Variants in IGSF5 observed in about 807,000 individuals in gnomAD.
The protein encoded by IGSF5 is immunoglobulin superfamily member 5.
Under a neutral mutation model 39.4 loss-of-function variants are expected in IGSF5, and 41 were observed. That is an observed-to-expected ratio of 1.04 (90% CI 0.81 to 1.35). IGSF5 has a LOEUF of 1.35. Ranked by LOEUF, IGSF5 falls within the 40% of genes most tolerant of loss-of-function variation. The pLI, the probability that IGSF5 is intolerant of heterozygous loss-of-function variation, is 0.00. For missense variants in IGSF5, 487 were observed against 494.6 expected (o/e 0.98, Z 0.15); for synonymous variants, 183 against 175.3 (o/e 1.04, Z -0.34).
chr21:39,792,548 C>G (rs1413271451), intron 7 of IGSF5, among the ~76,000 whole-genome samples: 2 of 152,048 alleles, frequency 1.3e-5, no homozygotes, highest in African/African-American at 4.8e-5. Flanking sequence ...TGTTTTTTCC[C>G]CATGCTTTCT....
At chr21:39,785,265 T>C (rs113650334) in intron 5 of IGSF5, among the ~76,000 whole-genome samples, 1 of 149,420 alleles carries the variant, frequency 6.7e-6, no homozygotes, top group East Asian at 2.0e-4. Flanking sequence ...GCAAGGACTT[T>C]ATGTCTAAAA....
the IGSF5 span, among the ~76,000 whole-genome samples, chr21:39,738,568 T>C: frequency 6.6e-6 from 1 of 152,176 alleles, no homozygotes; most frequent in African/African-American, 2.4e-5. This position sits in a 1 kb window ranked among gnomAD's most constrained non-coding sequence, Gnocchi z 6.4. Context: ...CGTGGAGGCC[T>C]TCAAAGAAAG....
At chr21:39,741,190 G>A (rs1283535642), upstream of IGSF5, among the ~76,000 whole-genome samples, 2 of 152,108 alleles carry the variant, frequency 1.3e-5, no homozygotes, top group East Asian at 1.9e-4. Flanking sequence ...GCCTTCTTTA[G>A]GGCATGGAAA....
At chr21:39,759,604 C>T (rs544468226) in intron 2 of IGSF5, among the ~76,000 whole-genome samples, 5 of 152,088 alleles carry the variant, frequency 3.3e-5, no homozygotes, top group South Asian at 2.1e-4. Context: ...TGGTGGCTCA[C>T]GCCTGTAATC....
the IGSF5 span, among the ~76,000 whole-genome samples, chr21:39,719,705 G>T: frequency 6.6e-6 from 1 of 152,180 alleles, no homozygotes; most frequent in Non-Finnish European, 1.5e-5. Flanking sequence ...CTCTCACTAA[G>T]GGTCACTGGT....
chr21:39,782,268 G>A (rs555702492), intron 5 of IGSF5, among the ~76,000 whole-genome samples: 1 of 152,248 alleles, frequency 6.6e-6, no homozygotes. Context: ...CCTTGGGTGA[G>A]TCTGCCTTGT....
At chr21:39,726,471 G>A in the IGSF5 span, among the ~76,000 whole-genome samples, 4 of 152,182 alleles carry the variant, frequency 2.6e-5, no homozygotes, top group African/African-American at 4.8e-5. Context: ...TGCCGCATCC[G>A]GTGGTGTTAG....
chr21:39,768,563 C>T (rs2080097890), intron 3 of IGSF5, among the ~76,000 whole-genome samples: 1 of 152,170 alleles, frequency 6.6e-6, no homozygotes, highest in South Asian at 2.1e-4. Context: ...CAATCACACA[C>T]CAAACTCTAG....
At chr21:39,766,794 T>C (rs2146280526) in intron 3 of IGSF5, among the ~76,000 whole-genome samples, 1 of 152,200 alleles carries the variant, frequency 6.6e-6, no homozygotes, top group South Asian at 2.1e-4. Flanking sequence ...CTGATTTCCA[T>C]GGCAGCATTT....
intron 5 of IGSF5, among the ~76,000 whole-genome samples, chr21:39,782,127 A>T (rs4816658): frequency 0.79 from 120,477 of 152,102 alleles, 47,862 homozygotes; most frequent in Admixed American, 0.84. Context: ...ACCTTTATCA[A>T]ACACTGATTT....
intron 2 of IGSF5, among the ~76,000 whole-genome samples, chr21:39,760,245 T>G (rs2080054361): frequency 6.6e-6 from 1 of 152,200 alleles, no homozygotes; most frequent in African/African-American, 2.4e-5. Flanking sequence ...ACTGAGTAGT[T>G]GTTATGGATC....
upstream of IGSF5, among the ~76,000 whole-genome samples, chr21:39,743,273 G>A (rs1026429304): frequency 1.2e-4 from 19 of 152,120 alleles, no homozygotes; most frequent in Non-Finnish European, 2.2e-4. Context: ...ACCAGAGATC[G>A]CCAAACTCTC....
chr21:39,801,262 C>A lies in IGSF5; in HGVS notation c.1129C>A (p.Arg377=). The change falls in exon 9 of 9, where the codon CGG becomes AGG. Residue 377 remains arginine (R), a splice_region_variant and synonymous_variant. Coordinates refer to ENST00000380588, the MANE Select transcript of IGSF5 (RefSeq NM_001080444.2). ...GACTTTTTTCCTCCTCTGTTGCCAG[C>A]GGGCTGATCAACGTCCACCCAGGCC... is the stretch of plus-strand genomic sequence containing the variant. ...RNSSCGPPHQ[R]ADQRPPRPAS... is the part of the protein sequence containing the mutation. 6.2e-7 allele frequency: 1 copy of A among 1,613,098 alleles called. No individual in the cohort carries two copies. The highest frequency in any genetic ancestry group is 8.5e-7 in the Non-Finnish European group (1 of 1,179,186).
intron 8 of IGSF5, among the ~76,000 whole-genome samples, chr21:39,796,578 C>G (rs1164695389): frequency 6.6e-6 from 1 of 152,218 alleles, no homozygotes; most frequent in Non-Finnish European, 1.5e-5. Context: ...CAGTATGACT[C>G]CAATTTGTCA....
At chr21:39,777,241 G>A (rs1449997299) in intron 4 of IGSF5, among the ~76,000 whole-genome samples, 1 of 152,098 alleles carries the variant, frequency 6.6e-6, no homozygotes, top group Non-Finnish European at 1.5e-5. Context: ...TCTGTGGGAG[G>A]GGGAGTGTGA....
upstream of IGSF5, among the ~76,000 whole-genome samples, chr21:39,744,076 G>C (rs2079960082): frequency 6.6e-6 from 1 of 152,194 alleles, no homozygotes; most frequent in Admixed American, 6.5e-5. Context: ...TTCCTTTCCA[G>C]GGTGCGTAAC....
chr21:39,772,017 C>T lies in IGSF5; in HGVS notation c.718+802C>T, dbSNP rs972131448. ...CTTTTCGTGTCTAAAGCTTTTCCCA[C>T]CATGAAAACACCTTTACCTGAGATC... On this transcript the variant is annotated intron_variant, in intron 4 of 8. Coordinates refer to ENST00000380588, the MANE Select transcript of IGSF5 (RefSeq NM_001080444.2). Among the ~76,000 whole-genome samples, 20 of 152,128 alleles carry T rather than the reference C, an allele frequency of 1.3e-4. 1 individual carries two copies. The highest frequency in any genetic ancestry group is 4.6e-4 in the African/African-American group (19 of 41,414).
intron 2 of IGSF5, among the ~76,000 whole-genome samples, chr21:39,764,074 T>C (rs1386422349): frequency 6.6e-6 from 1 of 152,130 alleles, no homozygotes; most frequent in Non-Finnish European, 1.5e-5. Flanking sequence ...TAGTGAACTC[T>C]CACCTTCTTC....
chr21:39,777,724 A>G (rs763742542), intron 4 of IGSF5, among the ~76,000 whole-genome samples: 24 of 152,156 alleles, frequency 1.6e-4, no homozygotes, highest in Admixed American at 3.9e-4. Flanking sequence ...ATGGGGAGAA[A>G]GGTGATCCCT....
Sources: gnomAD v4.1 joint callset for allele counts (sites outside exome capture counted in the v4.1 genomes callset) on GRCh38, gnomAD v4.1.1 for gene constraint, Gnocchi (gnomAD v3.1) non-coding constraint, MANE v1.5 for transcripts, NCBI Gene and HGNC (gene_info 2026-07-23, HGNC 2026-07-21) for gene names.